The following CSMD1 variants were observed in gnomAD, a reference collection of about 807,000 sequenced individuals.
CSMD1 encodes the protein CUB and sushi domain-containing protein 1.
In CSMD1, 213 loss-of-function variants were observed where a neutral mutation model predicts 417.5. That is an observed-to-expected ratio of 0.51 (90% CI 0.46 to 0.57). CSMD1 has a LOEUF of 0.57. Among genes scored for constraint, CSMD1 ranks in the 20% least tolerant of loss-of-function variants. The pLI is 0.00. For missense variants in CSMD1, 6,923 were observed against 4,529.7 expected (o/e 1.53, Z -15.17); for synonymous variants, 2,862 against 1,736.8 (o/e 1.65, Z -16.11).
chr8:4,439,954 A>T (rs1798371352), intron 2 of CSMD1, among the ~76,000 whole-genome samples: 1 of 152,172 alleles, frequency 6.6e-6, no homozygotes, highest in Admixed American at 6.6e-5. Flanking sequence ...TCCACACATG[A>T]ATTAAGATCC....
chr8:4,045,353 AC>A (rs1480657820), intron 3 of CSMD1, among the ~76,000 whole-genome samples: 2 of 152,182 alleles, frequency 1.3e-5, no homozygotes, highest in Non-Finnish European at 2.9e-5. Flanking sequence ...ATATGAGCAG[AC>A]GAACGGTTTC....
intron 23 of CSMD1, among the ~76,000 whole-genome samples, chr8:3,309,218 C>CAGAATCCTGACAGCCAGCACTT (rs1205793015): frequency 3.3e-5 from 5 of 152,146 alleles, no homozygotes; most frequent in Non-Finnish European, 7.3e-5. Context: ...TGCCAGGGTG[C>CAGAATCCTGACAGCCAGCACTT]TTTGCAGAAT....
chr8:4,118,303 G>A (rs760184458), intron 3 of CSMD1, among the ~76,000 whole-genome samples: 5 of 151,934 alleles, frequency 3.3e-5, no homozygotes, highest in Non-Finnish European at 5.9e-5. Context: ...CGACCTGTAT[G>A]GATGTTTACT....
chr8:2,952,171 C>A (rs1488102106), intron 65 of CSMD1, among the ~76,000 whole-genome samples: 3 of 152,110 alleles, frequency 2.0e-5, no homozygotes, highest in Non-Finnish European at 4.4e-5. Flanking sequence ...TTGTTTTCTG[C>A]CTTCTGATGT....
chr8:4,720,080 TA>T (rs1808953054), intron 1 of CSMD1, among the ~76,000 whole-genome samples: 1 of 151,938 alleles, frequency 6.6e-6, no homozygotes, highest in Admixed American at 6.6e-5. Context: ...CTAAATGAAA[TA>T]TTTTTTATGT....
intron 2 of CSMD1, among the ~76,000 whole-genome samples, chr8:4,455,854 C>CTGGGA (rs1799436905): frequency 7.7e-6 from 1 of 130,496 alleles, no homozygotes; most frequent in Non-Finnish European, 1.5e-5. Flanking sequence ...CTGCTTGAAC[C>CTGGGA]TGGGAGACAG....
At chr8:3,584,928 T>C (rs7013570) in intron 9 of CSMD1, among the ~76,000 whole-genome samples, 8,479 of 152,190 alleles carry the variant, frequency 0.056, 279 homozygotes, top group East Asian at 0.11. Flanking sequence ...TATGTTAGAA[T>C]TGAAAAATGC....
chr8:4,458,692 A>G (rs1799631238), intron 2 of CSMD1, among the ~76,000 whole-genome samples: 1 of 152,222 alleles, frequency 6.6e-6, no homozygotes, highest in East Asian at 1.9e-4. Context: ...AAACTGCAGC[A>G]AAATAATTAG....
At chr8:4,056,953 G>T (rs1034850432) in intron 3 of CSMD1, among the ~76,000 whole-genome samples, 1 of 152,152 alleles carries the variant, frequency 6.6e-6, no homozygotes, top group African/African-American at 2.4e-5. Flanking sequence ...CATTTGGGTT[G>T]GTTCCAAGTC....
In CSMD1 at chr8:3,038,861, G is replaced by A. The variant is rs369567155; in HGVS notation, c.7661-9348C>T. Among the ~76,000 whole-genome samples, 23 of 152,316 alleles carry A rather than the reference G, an allele frequency of 1.5e-4. No individual in the cohort carries two copies. The South Asian group carries it at 3.9e-3, about 26-fold the overall frequency. On this transcript the variant is annotated intron_variant, in intron 50 of 69. Transcript: ENST00000635120. ...ACGGATTTGGCACAGTTAGTGCCAT[G>A]AGAACCCAGCCAGAGCCACATAGAG...
chr8:3,563,059 G>T (rs1282180131), intron 10 of CSMD1, among the ~76,000 whole-genome samples: 1 of 152,012 alleles, frequency 6.6e-6, no homozygotes, highest in Non-Finnish European at 1.5e-5. Flanking sequence ...GCTTGGTCAT[G>T]ATCTGGGTGG....
At chr8:3,207,013 G>A (rs1797331652) in intron 30 of CSMD1, among the ~76,000 whole-genome samples, 1 of 152,028 alleles carries the variant, frequency 6.6e-6, no homozygotes. Context: ...CATGCTGGCT[G>A]TGGCCTGACT....
chr8:4,619,795 T>A (rs1801668325), intron 2 of CSMD1, among the ~76,000 whole-genome samples: 1 of 152,162 alleles, frequency 6.6e-6, no homozygotes. Flanking sequence ...GGTATTCATA[T>A]CACATAGCAC....
At chr8:3,913,150 A>G (rs536626061) in intron 5 of CSMD1, among the ~76,000 whole-genome samples, 4 of 152,272 alleles carry the variant, frequency 2.6e-5, no homozygotes, top group African/African-American at 9.6e-5. Flanking sequence ...TGAAGTATCC[A>G]TGTTACATCG....
chr8:3,856,363 C>A (rs557329891), intron 5 of CSMD1, among the ~76,000 whole-genome samples: 1 of 152,286 alleles, frequency 6.6e-6, no homozygotes, highest in Admixed American at 6.5e-5. Context: ...GCCCGCAGAA[C>A]CGTGAGCCAA....
intron 6 of CSMD1, among the ~76,000 whole-genome samples, chr8:3,728,581 G>A (rs1393967486): frequency 1.3e-5 from 2 of 152,184 alleles, no homozygotes; most frequent in African/African-American, 2.4e-5. Flanking sequence ...TGGTGTGACT[G>A]ACTTGCACAT....
intron 12 of CSMD1, among the ~76,000 whole-genome samples, chr8:3,448,086 A>G: frequency 6.6e-6 from 1 of 151,730 alleles, no homozygotes; most frequent in Non-Finnish European, 1.5e-5. Flanking sequence ...ATATAATCCT[A>G]AAAATAAGAT....
At chr8:3,377,772 C>A (rs773711286) in intron 18 of CSMD1, among the ~76,000 whole-genome samples, 2 of 152,172 alleles carry the variant, frequency 1.3e-5, no homozygotes, top group Non-Finnish European at 2.9e-5. Context: ...AAGGGCTGTA[C>A]TTTCCATGAA....
intron 2 of CSMD1, among the ~76,000 whole-genome samples, chr8:4,521,353 C>A (rs1429929830): frequency 6.6e-6 from 1 of 151,962 alleles, no homozygotes; most frequent in African/African-American, 2.4e-5. Context: ...CCTTAAGAAC[C>A]TTTAAGCAGG....
Sources: gnomAD v4.1 joint callset for allele counts (sites outside exome capture counted in the v4.1 genomes callset) on GRCh38, gnomAD v4.1.1 for gene constraint, MANE v1.5 for transcripts, NCBI Gene and HGNC (gene_info 2026-07-23, HGNC 2026-07-21) for gene names.